C1orf167: variants seen among roughly 807,000 people sequenced by gnomAD.
The protein encoded by C1orf167 is uncharacterized protein C1orf167.
Under a neutral mutation model 176.5 loss-of-function variants are expected in C1orf167, and 153 were observed. The observed-to-expected ratio is 0.87, with a 90% CI of 0.76 to 0.99. C1orf167 has a LOEUF of 0.99. Among genes scored for constraint, C1orf167 ranks in the 50% least tolerant of loss-of-function variants. The pLI is 0.00. For synonymous variants in C1orf167, 594 were observed against 752.7 expected (o/e 0.79, Z 3.45); for missense variants, 1,490 against 1,817.7 (o/e 0.82, Z 3.28).
chr1:11,785,137 C>A lies in C1orf167; in HGVS notation c.3426-11C>A. 1 of 1,282,190 alleles carries A rather than the reference C, an allele frequency of 7.8e-7. No individual in the cohort carries two copies. Among genetic ancestry groups the A allele is most frequent in the Non-Finnish European group, 1.0e-6 (1 of 981,954 alleles). The allele number at this position is 1,282,190 out of a possible 1,614,324, so 79.4% of individuals were successfully genotyped here. A position where few individuals can be genotyped will look rare whatever the true frequency, so the allele number is the denominator to read the frequency against. On this transcript the variant is annotated splice_polypyrimidine_tract_variant and intron_variant, in intron 15 of 20. Transcript: ENST00000688073. ...TATGGCCCTGGCTGCAGACTCCTTC[C>A]TCTCCCGCAGGGTCCTAGAGGCCTC...
intron 17 of C1orf167, 134 bp downstream of exon 17, chr1:11,787,627 C>T: frequency 1.2e-6 from 1 of 804,390 alleles, no homozygotes; most frequent in Non-Finnish European, 1.7e-6. Flanking sequence ...CCCATCCATT[C>T]CCTCTTCGGA....
chr1:11,782,410 A>T, intron 14 of C1orf167, 77 bp downstream of exon 14: 1 of 1,145,648 alleles, frequency 8.7e-7, no homozygotes. Context: ...AGGGGGTGGG[A>T]AGCTCAGACG....
At chr1:11,782,128 G>A (rs1440013435) in intron 13 of C1orf167, 61 bp from the exon 14 acceptor site, 2 of 1,193,006 alleles carry the variant, frequency 1.7e-6, no homozygotes, top group Non-Finnish European at 2.1e-6. Context: ...GCTGCGTAGA[G>A]GCCCATGGGG....
At position 11,787,757 on chromosome 1, in the gene C1orf167, C is replaced by G. The variant is rs921281125; in HGVS notation, c.3674-116C>G. 1.5e-5 allele frequency: 17 copies of G among 1,164,378 alleles called. No individual in the cohort carries two copies. In the African/African-American group the frequency reaches 1.9e-4, roughly 13 times the overall value. 72.1% of individuals were successfully genotyped at this position (1,164,378 alleles called of 1,614,324 possible). A position where few individuals can be genotyped will look rare whatever the true frequency, so the allele number is the denominator to read the frequency against. On this transcript the variant is annotated intron_variant, in intron 17 of 20. Transcript: ENST00000688073. ...GGGGAGATGGGGGCAGGGCACAAGG[C>G]TAAGCTCAGCACCTTCCTCCACCCT...
chr1:11,788,271 G>C lies in C1orf167; in HGVS notation c.3971G>C (p.Arg1324Pro). ...QEEVPAAPVP[R>P]GTASRAAGFP... ...GAAGTACCTGCAGCGCCGGTGCCTCGAGGCACTGCTTCACGGGCTGCGGGG... is the reference window on the plus strand; with the variant it reads ...GAAGTACCTGCAGCGCCGGTGCCTCCAGGCACTGCTTCACGGGCTGCGGGG... The change falls in exon 19 of 21, where the codon CGA (arginine) becomes CCA (proline). Residue 1324 changes from arginine to proline, a missense_variant. Arg to Pro is a moderately radical substitution (Grantham distance 103). Coordinates refer to ENST00000688073, the MANE Select transcript of C1orf167 (RefSeq NM_001010881.2). The C allele has an allele frequency of 1.5e-6, 2 of 1,303,864 alleles. No individual in the cohort carries two copies. Among genetic ancestry groups the C allele is most frequent in the Non-Finnish European group, 1.0e-6 (1 of 988,690 alleles). 80.8% of individuals were successfully genotyped at this position (1,303,864 alleles called of 1,614,324 possible).
chr1:11,782,339 TG>T lies in C1orf167; in HGVS notation c.3005+9del. ...GAGCAGCTGCTACTGCAGAGGTGGGTGGGCCTGGGGGTGGGAGGGTGTTGGT... is the reference window on the plus strand; with the variant it reads ...GAGCAGCTGCTACTGCAGAGGTGGGTGGCCTGGGGGTGGGAGGGTGTTGGT... On this transcript the variant is annotated splice_region_variant and intron_variant, in intron 14 of 20. Transcript: ENST00000688073. The T allele has an allele frequency of 2.1e-6, 2 of 951,404 alleles. No individual in the cohort carries two copies. The highest frequency in any genetic ancestry group is 3.1e-5 in the South Asian group (2 of 65,226). 58.9% of individuals were successfully genotyped at this position (951,404 alleles called of 1,614,324 possible). A position where few individuals can be genotyped will look rare whatever the true frequency, so the allele number is the denominator to read the frequency against.
At chr1:11,774,613 G>A (rs1643225122) in intron 8 of C1orf167, among the ~76,000 whole-genome samples, 1 of 152,162 alleles carries the variant, frequency 6.6e-6, no homozygotes, top group East Asian at 1.9e-4. Flanking sequence ...GGGAGTGTAA[G>A]ATCCTGAGGC....
chr1:11,784,881 G>A (rs752400536), intron 15 of C1orf167, among the ~76,000 whole-genome samples: 2 of 152,222 alleles, frequency 1.3e-5, no homozygotes, highest in Non-Finnish European at 2.9e-5. Flanking sequence ...CTCTTGCCAG[G>A]GAAGGGGAGG....
At chr1:11,770,582 T>C (rs2100281299) in intron 6 of C1orf167, among the ~76,000 whole-genome samples, 1 of 151,674 alleles carries the variant, frequency 6.6e-6, no homozygotes. Flanking sequence ...TAGCTGGGAT[T>C]ATAGGCACAC....
At chr1:11,788,994 A>G (rs372358914) in intron 20 of C1orf167, 2 of 384,904 alleles carry the variant, frequency 5.2e-6, no homozygotes. Context: ...AAGGTGTGGC[A>G]TGAGGCATGG....
intron 9 of C1orf167, among the ~76,000 whole-genome samples, chr1:11,776,083 C>G (rs1020096601): frequency 9.2e-5 from 14 of 152,138 alleles, no homozygotes; most frequent in African/African-American, 3.4e-4. Context: ...GTGGTGAAAC[C>G]CTGTGTCTAC....
At position 11,788,883 on chromosome 1, in the gene C1orf167, G is replaced by C. The variant is rs1322466017; in HGVS notation, c.4173+137G>C. 3 of 625,106 alleles carry C rather than the reference G, an allele frequency of 4.8e-6. No individual in the cohort carries two copies. In the African/African-American group the frequency reaches 5.7e-5, roughly 12 times the overall value. 38.7% of individuals were successfully genotyped at this position (625,106 alleles called of 1,614,324 possible). A position where few individuals can be genotyped will look rare whatever the true frequency, so the allele number is the denominator to read the frequency against. On this transcript the variant is annotated intron_variant, in intron 20 of 20. Transcript: ENST00000688073. ...GGCCCCTTCGTTTTCAGGGGAGGGG[G>C]TCAGTTCCATTACAGAACACACAGG... is the stretch of plus-strand genomic sequence containing the variant.
rs143905094 is a variant in C1orf167, at chr1:11,766,170, C to G, written c.384C>G (p.Asn128Lys). 3.1e-6 allele frequency: 4 copies of G among 1,289,832 alleles called. No individual in the cohort carries two copies. The highest frequency in any genetic ancestry group is 4.6e-5 in the Admixed American group (2 of 43,574). The allele number at this position is 1,289,832 out of a possible 1,614,324, so 79.9% of individuals were successfully genotyped here. The change falls in exon 3 of 21, where the codon AAC becomes AAG. Residue 128 changes from asparagine to lysine, a missense_variant. Coordinates refer to ENST00000688073, the MANE Select transcript of C1orf167 (RefSeq NM_001010881.2). The surrounding 1 kb of genome is among the most constrained non-coding windows in gnomAD (Gnocchi z 4.5). ...TCCAGCAGAGCAACCTGAGCATCAA[C>G]GAGACCAGCAGCCCCCACCTCTGCC... is the stretch of plus-strand genomic sequence containing the variant. ...FAIQQSNLSINETSSPHLCPE... is the reference protein window; with the variant it reads ...FAIQQSNLSIKETSSPHLCPE...
chr1:11,789,355 G>A lies in C1orf167; in HGVS notation c.4259G>A (p.Gly1420Asp). Reference sequence around the variant, plus strand: ...AGCCCAAGACCCTGGAGCAAGCCAGGCCCCAAGGGCCCCGAGAGTGGACAG... The same window carrying A: ...AGCCCAAGACCCTGGAGCAAGCCAGACCCCAAGGGCCCCGAGAGTGGACAG... ...ASSPRPWSKP[G>D]PKGPESGQEA... The change falls in exon 21 of 21, where the codon GGC becomes GAC. Residue 1420 changes from glycine to aspartate, a missense_variant. Coordinates refer to ENST00000688073, the MANE Select transcript of C1orf167 (RefSeq NM_001010881.2). The A allele has an allele frequency of 7.7e-7, 1 of 1,303,960 alleles. No individual in the cohort carries two copies. The highest frequency in any genetic ancestry group is 1.5e-5 in the African/African-American group (1 of 65,916). The allele number at this position is 1,303,960 out of a possible 1,614,324, so 80.8% of individuals were successfully genotyped here. A position where few individuals can be genotyped will look rare whatever the true frequency, so the allele number is the denominator to read the frequency against.
intron 13 of C1orf167, among the ~76,000 whole-genome samples, chr1:11,781,250 G>A (rs1643589833): frequency 6.6e-6 from 1 of 151,862 alleles, no homozygotes; most frequent in East Asian, 1.9e-4. Flanking sequence ...AACCCGCCTC[G>A]GCCTTCCAAA....
intron 8 of C1orf167, among the ~76,000 whole-genome samples, chr1:11,773,862 A>G (rs1354839587): frequency 2.0e-5 from 3 of 152,062 alleles, no homozygotes; most frequent in African/African-American, 7.2e-5. Flanking sequence ...AATGAGGTCC[A>G]TGTATGGCAG....
intron 10 of C1orf167, 105 bp from the exon 11 acceptor site, chr1:11,778,555 C>T (rs989971764): frequency 9.8e-7 from 1 of 1,024,544 alleles, no homozygotes; most frequent in Non-Finnish European, 1.3e-6. Flanking sequence ...AGCACCCTTT[C>T]AGCCCATCTC....
intron 6 of C1orf167, among the ~76,000 whole-genome samples, 166 bp downstream of exon 6, chr1:11,769,293 A>G (rs939112420): frequency 2.6e-5 from 4 of 152,178 alleles, no homozygotes; most frequent in Admixed American, 2.6e-4. Flanking sequence ...AATTGTAAAA[A>G]CTTCAAAACA....
Position 11,782,248 on chromosome 1 carries a change from C to CAG in C1orf167, c.2922_2923dup (p.Lys975ArgfsTer19). The stretch of plus-strand genomic sequence containing the variant: ...GGTGCAGGTCCACCTCCAGGGCCTG[C>CAG]AGAAGGTGGTGTTCCGGAGCTGGCA... On this transcript the variant is annotated frameshift_variant, in exon 14 of 21. Transcript: ENST00000688073. LOFTEE classifies it high-confidence loss of function. 7.7e-7 allele frequency: 1 copy of CAG among 1,301,794 alleles called. No homozygotes were observed. Among genetic ancestry groups the CAG allele is most frequent in the South Asian group, 1.2e-5 (1 of 80,666 alleles). 80.6% of individuals were successfully genotyped at this position (1,301,794 alleles called of 1,614,324 possible).
Sources: allele counts gnomAD v4.1 joint callset (sites outside exome capture counted in the v4.1 genomes callset), GRCh38; gene constraint gnomAD v4.1.1; non-coding constraint Gnocchi (gnomAD v3.1); transcripts MANE v1.5; gene names NCBI Gene and HGNC (gene_info 2026-07-23, HGNC 2026-07-21).